Variants in ASAP2 observed in about 807,000 individuals in gnomAD.
The protein encoded by ASAP2 is ArfGAP with SH3 domain, ankyrin repeat and PH domain 2, also known as arf-GAP with SH3 domain, ANK repeat and PH domain-containing protein 2.
A neutral mutation model predicts 131.4 loss-of-function variants in ASAP2; 45 were observed. The observed-to-expected ratio is 0.34, with a 90% CI of 0.27 to 0.44. ASAP2 has a LOEUF of 0.44. Ranked by LOEUF, ASAP2 falls within the 20% of genes least tolerant of loss-of-function variation. The pLI, the probability that ASAP2 is intolerant of heterozygous loss-of-function variation, is 1.00. For synonymous variants in ASAP2, 510 were observed against 503.0 expected (o/e 1.01, Z -0.19); for missense variants, 1,011 against 1,297.0 (o/e 0.78, Z 3.39).
intron 6 of ASAP2, among the ~76,000 whole-genome samples, chr2:9,326,006 T>C (rs998296047): frequency 2.6e-5 from 4 of 152,254 alleles, no homozygotes; most frequent in African/African-American, 9.6e-5. Context: ...AAGGCCTTTC[T>C]TTCCATGGGT....
At chr2:9,395,840 C>T (rs549310581) in intron 24 of ASAP2, among the ~76,000 whole-genome samples, 50 of 151,980 alleles carry the variant, frequency 3.3e-4, no homozygotes, top group Non-Finnish European at 6.0e-4. Flanking sequence ...ATCTCCTGAC[C>T]TCGTGATCTG....
chr2:9,236,234 A>G (rs968081560), intron 1 of ASAP2, among the ~76,000 whole-genome samples: 3 of 152,074 alleles, frequency 2.0e-5, no homozygotes, highest in Non-Finnish European at 4.4e-5. Flanking sequence ...GTTTTGCAGT[A>G]TGAAGTTGAC....
At chr2:9,355,996 G>A in intron 12 of ASAP2, 51 bp from the exon 13 acceptor site, 1 of 1,593,012 alleles carries the variant, frequency 6.3e-7, no homozygotes, top group East Asian at 2.2e-5. Context: ...TTTTGGAATT[G>A]TGTATGGATT....
chr2:9,388,024 G>T (rs1361833305), intron 21 of ASAP2, among the ~76,000 whole-genome samples: 1 of 152,222 alleles, frequency 6.6e-6, no homozygotes, highest in African/African-American at 2.4e-5. Context: ...CCCTCGACAA[G>T]TGAAGATTAC....
chr2:9,231,706 G>C (rs559128864), intron 1 of ASAP2, among the ~76,000 whole-genome samples: 44 of 152,298 alleles, frequency 2.9e-4, no homozygotes, highest in Middle Eastern at 3.4e-3. Context: ...TCTGCATGCT[G>C]TGTTCCCATG....
At chr2:9,278,533 A>G (rs921019112) in intron 1 of ASAP2, among the ~76,000 whole-genome samples, 1 of 151,786 alleles carries the variant, frequency 6.6e-6, no homozygotes, top group Non-Finnish European at 1.5e-5. Context: ...AAAAAAGAAA[A>G]AGAACAAAGG....
chr2:9,295,066 G>T (rs1027605659), intron 2 of ASAP2, among the ~76,000 whole-genome samples: 4 of 152,180 alleles, frequency 2.6e-5, no homozygotes, highest in Non-Finnish European at 5.9e-5. Flanking sequence ...ATCCTTCACT[G>T]TTAACCACAC....
At chr2:9,228,135 T>C (rs1357099101) in intron 1 of ASAP2, among the ~76,000 whole-genome samples, 1 of 152,232 alleles carries the variant, frequency 6.6e-6, no homozygotes, top group African/African-American at 2.4e-5. Flanking sequence ...GGAATTTTAG[T>C]GTGAGACATA....
At chr2:9,265,654 T>G (rs1665886731) in intron 1 of ASAP2, among the ~76,000 whole-genome samples, 1 of 152,244 alleles carries the variant, frequency 6.6e-6, no homozygotes, top group Non-Finnish European at 1.5e-5. Context: ...TTTTAAGTGT[T>G]TGATATATCA....
rs546903922 is a variant in ASAP2, at chr2:9,259,402, C to T, written c.127-19915C>T. Among the ~76,000 whole-genome samples the T allele has an allele frequency of 6.6e-5, 10 of 152,312 alleles. No individual in the cohort carries two copies. The South Asian group carries it at 1.9e-3, about 28-fold the overall frequency. On this transcript the variant is annotated intron_variant, in intron 1 of 27. Transcript: ENST00000281419. ...CCCTGCCCTTCCTTGCGTCTGCCCC[C>T]GCTTCCTGCGCCCTGCTCTCCTGCC...
rs1353960482 is a variant in ASAP2 at position 9,246,647 on chromosome 2, AAG to A, written c.127-32666_127-32665del. On this transcript the variant is annotated intron_variant, in intron 1 of 27. Coordinates refer to ENST00000281419, the MANE Select transcript of ASAP2 (RefSeq NM_003887.3). ...AAAGTTGCATCCTGCATTCAGAATA[AAG>A]AGAACCGTGAGAGGTCTTCAATTTA... Among the ~76,000 whole-genome samples, 5 of 152,304 alleles carry A rather than the reference AAG, an allele frequency of 3.3e-5. No individual in the cohort carries two copies. In the South Asian group the frequency reaches 8.3e-4, roughly 25 times the overall value.
At chr2:9,326,358 A>G (rs894048724) in intron 6 of ASAP2, among the ~76,000 whole-genome samples, 2 of 152,234 alleles carry the variant, frequency 1.3e-5, no homozygotes, top group Non-Finnish European at 2.9e-5. Flanking sequence ...AATCCAGAAG[A>G]GTGGCTTTCA....
At chr2:9,359,248 T>C (rs2709576) in intron 15 of ASAP2, among the ~76,000 whole-genome samples, 56,883 of 152,148 alleles carry the variant, frequency 0.37, 11,791 homozygotes, top group African/African-American at 0.55. Context: ...TGTTTTCCCT[T>C]ATCACCAGCG....
chr2:9,390,866 G>A (rs545446338), intron 22 of ASAP2, among the ~76,000 whole-genome samples, 196 bp from the exon 23 acceptor site: 1 of 152,184 alleles, frequency 6.6e-6, no homozygotes, highest in Non-Finnish European at 1.5e-5. Context: ...GAGCCTCTTC[G>A]GTTTCGCGAG....
intron 2 of ASAP2, among the ~76,000 whole-genome samples, chr2:9,292,920 G>T (rs1667910413): frequency 6.6e-6 from 1 of 152,212 alleles, no homozygotes; most frequent in Non-Finnish European, 1.5e-5. Flanking sequence ...TCCTCTGGCA[G>T]TGCTGTGTTG....
intron 2 of ASAP2, among the ~76,000 whole-genome samples, chr2:9,284,856 G>A (rs917058912): frequency 6.6e-6 from 1 of 152,214 alleles, no homozygotes; most frequent in Non-Finnish European, 1.5e-5. Context: ...GACAGGCCCT[G>A]TATTCTATTC....
intron 6 of ASAP2, among the ~76,000 whole-genome samples, chr2:9,326,126 A>T (rs1670460061): frequency 6.6e-6 from 1 of 152,228 alleles, no homozygotes; most frequent in African/African-American, 2.4e-5. Flanking sequence ...CACACCTGCA[A>T]TCCCAGCACT....
intron 1 of ASAP2, among the ~76,000 whole-genome samples, chr2:9,239,819 T>G (rs1055440919): frequency 6.6e-6 from 1 of 151,902 alleles, no homozygotes; most frequent in Non-Finnish European, 1.5e-5. Flanking sequence ...TTGGCCTTTC[T>G]GGGCTCAAGT....
At chr2:9,326,879 G>T (rs1254122438) in intron 6 of ASAP2, among the ~76,000 whole-genome samples, 1 of 152,062 alleles carries the variant, frequency 6.6e-6, no homozygotes, top group East Asian at 1.9e-4. Flanking sequence ...GTTCATCTTT[G>T]TAAACTTTTG....
Sources: gnomAD v4.1 joint callset for allele counts (sites outside exome capture counted in the v4.1 genomes callset) on GRCh38, gnomAD v4.1.1 for gene constraint, MANE v1.5 for transcripts, NCBI Gene and HGNC (gene_info 2026-07-23, HGNC 2026-07-21) for gene names.